CD2AP: variants seen among roughly 807,000 people sequenced by gnomAD.
The protein encoded by CD2AP is CD2-associated protein.
CD2AP carries 46 observed loss-of-function variants against 85.1 expected under a neutral mutation model. The observed-to-expected ratio is 0.54, with a 90% CI of 0.43 to 0.69. The LOEUF (loss-of-function observed/expected upper bound fraction) is 0.69. Among genes scored for constraint, CD2AP ranks in the 30% least tolerant of loss-of-function variants. CD2AP has a pLI of 0.00. For missense variants in CD2AP, 769 were observed against 729.5 expected (o/e 1.05, Z -0.62); for synonymous variants, 255 against 252.9 (o/e 1.01, Z -0.08).
At position 47,478,055 on chromosome 6, in the gene CD2AP, GGCCGCGCTGAAGAGACTGGTAGGAGAGC is replaced by G. The variant is rs893913619; in HGVS notation, c.-183_-156del. 1.4e-6 allele frequency: 1 copy of G among 714,344 alleles called. No homozygotes were observed. Among genetic ancestry groups the G allele is most frequent in the African/African-American group, 1.8e-5 (1 of 55,682 alleles). 44.3% of individuals were successfully genotyped at this position (714,344 alleles called of 1,614,324 possible). ...TCGCCGCCTTTGCCTCTGCCTCGAG[GGCCGCGCTGAAGAGACTGGTAGGAGAGC>G]GCCGCGGGCGGATGGAGGCGACTCT... On this transcript the variant is annotated 5_prime_UTR_variant, in exon 1 of 18. Transcript: ENST00000359314.
At chr6:47,490,262 G>T (rs939712148) in intron 1 of CD2AP, among the ~76,000 whole-genome samples, 1 of 152,144 alleles carries the variant, frequency 6.6e-6, no homozygotes, top group African/African-American at 2.4e-5. Context: ...GGGTTTACAG[G>T]CATGAGCCAC....
At chr6:47,601,919 A>G (rs1769148740) in intron 13 of CD2AP, among the ~76,000 whole-genome samples, 1 of 151,952 alleles carries the variant, frequency 6.6e-6, no homozygotes, top group Non-Finnish European at 1.5e-5. Flanking sequence ...AAGTTTCTTA[A>G]TGTTTTTTCC....
At chr6:47,607,025 A>T (rs1232311325) in intron 14 of CD2AP, among the ~76,000 whole-genome samples, 1 of 151,860 alleles carries the variant, frequency 6.6e-6, no homozygotes, top group Non-Finnish European at 1.5e-5. Context: ...CCATTAGTTC[A>T]GTTGTTTTAA....
chr6:47,571,791 C>T (rs747442754), intron 5 of CD2AP, among the ~76,000 whole-genome samples: 6 of 152,128 alleles, frequency 3.9e-5, no homozygotes, highest in Non-Finnish European at 8.8e-5. Context: ...ATTTTATTGA[C>T]TACATGGGCA....
In CD2AP at chr6:47,576,570, TAACAAA is replaced by T. The variant is rs759501591; in HGVS notation, c.781_786del (p.Lys261_Thr262del). 3 of 1,612,844 alleles carry T rather than the reference TAACAAA, an allele frequency of 1.9e-6. No homozygotes were observed. The highest frequency in any genetic ancestry group is 8.5e-7 in the Non-Finnish European group (1 of 1,179,152). ...GGACCCAAAACTCAGAGTGTGGAGA[TAACAAA>T]AACAGATACCGAAGGTAAAATTAAA... On this transcript the variant is annotated inframe_deletion, in exon 7 of 18. Coordinates refer to ENST00000359314, the MANE Select transcript of CD2AP (RefSeq NM_012120.3).
At chr6:47,539,996 T>A (rs1466497636) in intron 3 of CD2AP, among the ~76,000 whole-genome samples, 1 of 144,596 alleles carries the variant, frequency 6.9e-6, no homozygotes, top group Non-Finnish European at 1.5e-5. Context: ...CTGAGCAACA[T>A]GGCAAACCCC....
chr6:47,559,621 A>G (rs1287334556), intron 5 of CD2AP, among the ~76,000 whole-genome samples: 1 of 152,174 alleles, frequency 6.6e-6, no homozygotes, highest in Non-Finnish European at 1.5e-5. Context: ...TCTATTAAAC[A>G]TAATTGATAA....
chr6:47,514,577 T>C (rs905590956), intron 2 of CD2AP, among the ~76,000 whole-genome samples: 18 of 152,214 alleles, frequency 1.2e-4, no homozygotes, highest in African/African-American at 4.1e-4. Context: ...AAATGCTTAG[T>C]TGACTGTGAC....
chr6:47,510,593 AT>A (rs1208505361), intron 2 of CD2AP, among the ~76,000 whole-genome samples: 1 of 152,234 alleles, frequency 6.6e-6, no homozygotes, highest in African/African-American at 2.4e-5. Flanking sequence ...CTAGTATTTG[AT>A]TTTTATGTAA....
At chr6:47,514,337 T>C (rs62410684) in intron 2 of CD2AP, among the ~76,000 whole-genome samples, 2 of 152,016 alleles carry the variant, frequency 1.3e-5, no homozygotes, top group African/African-American at 4.8e-5. Context: ...ACCTCATTAA[T>C]TTGTTATGTT....
chr6:47,613,806 TAGA>T (rs1295723776), intron 17 of CD2AP, among the ~76,000 whole-genome samples: 1 of 152,240 alleles, frequency 6.6e-6, no homozygotes, highest in Non-Finnish European at 1.5e-5. Flanking sequence ...CTTCTTTCAA[TAGA>T]AGGCTGTTTT....
chr6:47,622,425 C>T (rs1020134073), intron 17 of CD2AP, among the ~76,000 whole-genome samples: 4 of 144,450 alleles, frequency 2.8e-5, no homozygotes, highest in Non-Finnish European at 6.2e-5. Flanking sequence ...GAGTTTTACC[C>T]CCTGCTTCTC....
intron 5 of CD2AP, among the ~76,000 whole-genome samples, chr6:47,565,049 CT>C (rs1767957442): frequency 6.6e-6 from 1 of 151,994 alleles, no homozygotes. Context: ...CTATTACTTG[CT>C]AAGTAGATAA....
chr6:47,490,855 G>A (rs1765713827), intron 1 of CD2AP, among the ~76,000 whole-genome samples: 1 of 152,064 alleles, frequency 6.6e-6, no homozygotes, highest in Admixed American at 6.6e-5. Context: ...GGAAGGGTGG[G>A]TTTTGTGTGC....
At chr6:47,562,375 A>G (rs1767885845) in intron 5 of CD2AP, among the ~76,000 whole-genome samples, 1 of 152,222 alleles carries the variant, frequency 6.6e-6, no homozygotes, top group South Asian at 2.1e-4. Flanking sequence ...ATTGTTCTAC[A>G]AAGTAGACAG....
At chr6:47,539,665 A>G (rs939673398) in intron 3 of CD2AP, among the ~76,000 whole-genome samples, 1 of 152,094 alleles carries the variant, frequency 6.6e-6, no homozygotes, top group Non-Finnish European at 1.5e-5. Flanking sequence ...CTCATTGGTA[A>G]ATGAGATAGT....
intron 2 of CD2AP, among the ~76,000 whole-genome samples, chr6:47,533,161 A>G (rs1186201056): frequency 3.9e-5 from 6 of 152,276 alleles, no homozygotes; most frequent in Admixed American, 3.9e-4. Context: ...ACATAGTTAT[A>G]TTCATTCATT....
At chr6:47,516,772 G>A (rs1766462552) in intron 2 of CD2AP, among the ~76,000 whole-genome samples, 1 of 152,164 alleles carries the variant, frequency 6.6e-6, no homozygotes, top group African/African-American at 2.4e-5. Flanking sequence ...CAGGACAGTG[G>A]AGGCTGAGAT....
At chr6:47,526,207 CTA>C (rs1399152597) in intron 2 of CD2AP, among the ~76,000 whole-genome samples, 5 of 152,182 alleles carry the variant, frequency 3.3e-5, no homozygotes, top group Admixed American at 3.3e-4. Context: ...GGTAGAGGCA[CTA>C]TGTTTCCAGA....
Sources: gnomAD v4.1 joint callset for allele counts (sites outside exome capture counted in the v4.1 genomes callset) on GRCh38, gnomAD v4.1.1 for gene constraint, MANE v1.5 for transcripts, NCBI Gene and HGNC (gene_info 2026-07-23, HGNC 2026-07-21) for gene names.